Variants in PSPC1 observed in about 807,000 individuals in gnomAD.
PSPC1 encodes paraspeckle protein 1.
PSPC1 carries 14 observed loss-of-function variants against 51.6 expected under a neutral mutation model. The observed-to-expected ratio is 0.27, with a 90% confidence interval of 0.18 to 0.42. PSPC1 has a LOEUF of 0.42. Among genes scored for constraint, PSPC1 ranks in the 10% least tolerant of loss-of-function variants. The probability of loss-of-function intolerance (pLI) is 1.00; values close to 1 mark genes in which losing one functional copy is unlikely to be tolerated. For missense variants in PSPC1, 406 were observed against 701.1 expected, an observed-to-expected ratio of 0.58 and a Z score of 4.75; for synonymous variants, 193 against 231.9, an observed-to-expected ratio of 0.83 and a Z score of 1.53.
intron 4 of PSPC1, among the ~76,000 whole-genome samples, chr13:19,741,957 C>T (rs1768653799): frequency 6.6e-6 from 1 of 151,902 alleles, no homozygotes; most frequent in African/African-American, 2.4e-5. Context: ...CAAGGCAAAA[C>T]CCCAACTCTA....
intron 2 of PSPC1, among the ~76,000 whole-genome samples, chr13:19,765,637 T>C (rs1210891855): frequency 6.6e-6 from 1 of 151,748 alleles, no homozygotes; most frequent in Admixed American, 6.6e-5. Context: ...TGTTTTAATT[T>C]TTTTAATTTT....
downstream of PSPC1, chr13:19,702,465 T>C (rs1880039295): frequency 1.3e-5 from 2 of 151,956 alleles, no homozygotes; most frequent in Admixed American, 1.3e-4. Flanking sequence ...CTAGACATTA[T>C]TTTTTATAAG....
At chr13:19,736,762 G>T (rs906187817) in intron 5 of PSPC1, among the ~76,000 whole-genome samples, 2 of 152,082 alleles carry the variant, frequency 1.3e-5, no homozygotes, top group Non-Finnish European at 2.9e-5. Context: ...AATCAGCAAC[G>T]TATCCTCTAT....
At chr13:19,737,353 GTCTT>G (rs1884954613) in intron 5 of PSPC1, 1 of 152,130 alleles carries the variant, frequency 6.6e-6, no homozygotes. Flanking sequence ...TAACAGTTCA[GTCTT>G]TCTATCTTTC....
intron 6 of PSPC1, among the ~76,000 whole-genome samples, chr13:19,716,455 T>C (rs1205758292): frequency 6.6e-6 from 1 of 152,188 alleles, no homozygotes; most frequent in Non-Finnish European, 1.5e-5. Flanking sequence ...TCAATATAAC[T>C]CTTGTTTGAG....
downstream of PSPC1, among the ~76,000 whole-genome samples, chr13:19,699,960 C>G (rs1454043412): frequency 6.6e-6 from 1 of 152,008 alleles, no homozygotes; most frequent in African/African-American, 2.4e-5. Context: ...CCAGGAACTT[C>G]CTTCATTTTT....
At chr13:19,723,284 C>CA (rs1208492240) in intron 6 of PSPC1, among the ~76,000 whole-genome samples, 3 of 151,930 alleles carry the variant, frequency 2.0e-5, no homozygotes, top group Admixed American at 2.0e-4. Flanking sequence ...AAGGTAAGAT[C>CA]AAAAAAATGT....
At chr13:19,717,330 C>T (rs1176880392) in intron 6 of PSPC1, among the ~76,000 whole-genome samples, 1 of 151,952 alleles carries the variant, frequency 6.6e-6, no homozygotes, top group Non-Finnish European at 1.5e-5. Context: ...CTATGGGAGG[C>T]TGAGGCAGGC....
chr13:19,692,285 G>A (rs1440008532), intron 6 of PSPC1, among the ~76,000 whole-genome samples: 2 of 151,964 alleles, frequency 1.3e-5, no homozygotes. Flanking sequence ...CACCATGCCC[G>A]GCTACTCTTT....
At chr13:19,692,634 T>C (rs1328710325) in intron 6 of PSPC1, among the ~76,000 whole-genome samples, 4 of 152,048 alleles carry the variant, frequency 2.6e-5, no homozygotes, top group African/African-American at 9.7e-5. Flanking sequence ...AAATGGATTA[T>C]GCCCTCCTCT....
chr13:19,743,638 T>C (rs1885655454), intron 4 of PSPC1, among the ~76,000 whole-genome samples: 1 of 152,102 alleles, frequency 6.6e-6, no homozygotes, highest in Admixed American at 6.6e-5. Flanking sequence ...AAAATATGCA[T>C]TTGGGGATGT....
chr13:19,774,410 C>T (rs1460199703), intron 1 of PSPC1, among the ~76,000 whole-genome samples: 1 of 152,186 alleles, frequency 6.6e-6, no homozygotes, highest in African/African-American at 2.4e-5. Context: ...TTGCAAAAAT[C>T]TACCTATAGA....
At chr13:19,677,777 T>C (rs551038177) in exon 7 of PSPC1, 1 of 487,862 alleles carries the variant, frequency 2.0e-6, no homozygotes, top group Non-Finnish European at 4.1e-6. Context: ...TGAATTACAC[T>C]GCAAGCTGAA....
intron 6 of PSPC1, among the ~76,000 whole-genome samples, chr13:19,722,260 G>A (rs1337337616): frequency 6.6e-6 from 1 of 152,028 alleles, no homozygotes; most frequent in Non-Finnish European, 1.5e-5. Flanking sequence ...ACTTTGGGAG[G>A]CAGAGGCAGG....
intron 2 of PSPC1, among the ~76,000 whole-genome samples, chr13:19,764,563 G>A (rs1887880519): frequency 6.6e-6 from 1 of 151,226 alleles, no homozygotes; most frequent in Non-Finnish European, 1.5e-5. Context: ...GCTTTTGCCT[G>A]TAATCCCAGC....
chr13:19,701,091 T>C (rs1233673988), downstream of PSPC1, among the ~76,000 whole-genome samples: 1 of 152,224 alleles, frequency 6.6e-6, no homozygotes, highest in Non-Finnish European at 1.5e-5. Context: ...TGTGTAGAAC[T>C]CTGTTCTTGG....
chr13:19,722,918 T>G (rs1869274144), intron 6 of PSPC1, among the ~76,000 whole-genome samples: 1 of 152,136 alleles, frequency 6.6e-6, no homozygotes, highest in Non-Finnish European at 1.5e-5. Context: ...AAGAGCAGCC[T>G]GGCCAACATG....
At chr13:19,691,099 T>A (rs1221348852) in intron 6 of PSPC1, among the ~76,000 whole-genome samples, 1 of 152,210 alleles carries the variant, frequency 6.6e-6, no homozygotes, top group East Asian at 1.9e-4. Context: ...ATCCAAACAC[T>A]TTAATTGGTA....
At chr13:19,721,641 A>G (rs575178651) in intron 6 of PSPC1, among the ~76,000 whole-genome samples, 13 of 152,344 alleles carry the variant, frequency 8.5e-5, no homozygotes, top group East Asian at 5.8e-4. Flanking sequence ...ATTACTCTGT[A>G]TAAGTACTCA....
Sources: allele counts gnomAD v4.1 joint callset (sites outside exome capture counted in the v4.1 genomes callset), GRCh38; gene constraint gnomAD v4.1.1; transcripts MANE v1.5; gene names NCBI Gene and HGNC (gene_info 2026-07-23, HGNC 2026-07-21).